TRAF3IP1: variants seen among roughly 807,000 people sequenced by gnomAD.
TRAF3IP1 encodes TRAF3-interacting protein 1.
TRAF3IP1 carries 53 observed loss-of-function variants against 89.9 expected under a neutral mutation model. The ratio of observed to expected loss-of-function variants is 0.59; its 90% CI spans 0.47 to 0.74. TRAF3IP1 has a LOEUF of 0.74. Ranked by LOEUF, TRAF3IP1 falls within the 30% of genes least tolerant of loss-of-function variation. The probability of loss-of-function intolerance (pLI) is 0.00; values close to 1 mark genes in which losing one functional copy is unlikely to be tolerated. For missense variants in TRAF3IP1, 806 were observed against 866.1 expected (o/e 0.93, Z 0.87); for synonymous variants, 311 against 322.1 (o/e 0.97, Z 0.37).
intron 3 of TRAF3IP1, among the ~76,000 whole-genome samples, chr2:238,328,200 C>A (rs1446360575): frequency 6.6e-6 from 1 of 152,186 alleles, no homozygotes; most frequent in Non-Finnish European, 1.5e-5. Flanking sequence ...TACATTTCCA[C>A]CAACAGTGCA....
chr2:238,321,304 T>C (rs1697531835), intron 1 of TRAF3IP1, among the ~76,000 whole-genome samples: 1 of 152,234 alleles, frequency 6.6e-6, no homozygotes, highest in East Asian at 1.9e-4. Flanking sequence ...CCCTCTCGCT[T>C]GCCCTGAAGT....
At chr2:238,338,268 T>G in intron 7 of TRAF3IP1, 94 bp from the exon 8 acceptor site, 1 of 681,424 alleles carries the variant, frequency 1.5e-6, no homozygotes, top group Non-Finnish European at 2.4e-6. Context: ...GCTGGTGACC[T>G]TGGTGTAATG....
In TRAF3IP1 at chr2:238,383,081, C is replaced by T. The variant is rs117089817; in HGVS notation, c.1690-14378C>T. On this transcript the variant is annotated intron_variant, in intron 15 of 16. Transcript: ENST00000373327. ...CAGCCTGCAGCCTTCCCTTGGCTTCCGGAACCTGCTGGTGGTTTTCACCTC... is the reference window on the plus strand; with the variant it reads ...CAGCCTGCAGCCTTCCCTTGGCTTCTGGAACCTGCTGGTGGTTTTCACCTC... Among the ~76,000 whole-genome samples, 1,115 of 152,238 alleles carry T rather than the reference C, an allele frequency of 7.3e-3. 39 individuals are homozygous for T. Among genetic ancestry groups the T allele is most frequent in the East Asian group, 0.037 (193 of 5,166 alleles).
At chr2:238,395,590 C>T (rs1409381503) in intron 15 of TRAF3IP1, among the ~76,000 whole-genome samples, 1 of 152,126 alleles carries the variant, frequency 6.6e-6, no homozygotes, top group African/African-American at 2.4e-5. Context: ...TCAGGGTGAA[C>T]AGGCAACCTA....
At chr2:238,326,985 C>T (rs1363608036) in intron 3 of TRAF3IP1, among the ~76,000 whole-genome samples, 1 of 152,180 alleles carries the variant, frequency 6.6e-6, no homozygotes, top group African/African-American at 2.4e-5. Context: ...ACATCTGGCT[C>T]CTGTCTCCTC....
At chr2:238,367,163 CAAAAA>C (rs33964253) in intron 15 of TRAF3IP1, among the ~76,000 whole-genome samples, 12 of 36,166 alleles carry the variant, frequency 3.3e-4, no homozygotes, top group African/African-American at 6.8e-4. Flanking sequence ...GACTCTGTCT[CAAAAA>C]AAAAAAAAAA....
intron 15 of TRAF3IP1, among the ~76,000 whole-genome samples, chr2:238,387,467 T>G (rs1700819393): frequency 6.6e-6 from 1 of 152,166 alleles, no homozygotes; most frequent in South Asian, 2.1e-4. Flanking sequence ...AAGATAGTGA[T>G]TAATGAAAAA....
At chr2:238,370,283 CTGTG>C (rs749109047) in intron 15 of TRAF3IP1, among the ~76,000 whole-genome samples, 3 of 151,446 alleles carry the variant, frequency 2.0e-5, no homozygotes, top group African/African-American at 7.3e-5. Context: ...ATGTCTGTGT[CTGTG>C]TGTGCATGTG....
At chr2:238,354,196 T>C (rs1375244067) in intron 14 of TRAF3IP1, among the ~76,000 whole-genome samples, 1 of 152,178 alleles carries the variant, frequency 6.6e-6, no homozygotes, top group East Asian at 1.9e-4. Context: ...TCTGGGGGCC[T>C]TTAGACACAT....
At chr2:238,347,208 G>A in intron 9 of TRAF3IP1, 1 of 496,162 alleles carries the variant, frequency 2.0e-6, no homozygotes, top group South Asian at 2.5e-5. Context: ...CCACATCCCT[G>A]TGTCCTGTTT....
chr2:238,397,026 A>G (rs1169570995), intron 15 of TRAF3IP1, among the ~76,000 whole-genome samples: 2 of 152,198 alleles, frequency 1.3e-5, no homozygotes, highest in African/African-American at 4.8e-5. Context: ...TTGGGATGGA[A>G]GGTGGGCCAT....
intron 15 of TRAF3IP1, among the ~76,000 whole-genome samples, chr2:238,374,636 G>T (rs1438744826): frequency 6.6e-6 from 1 of 152,102 alleles, no homozygotes; most frequent in Non-Finnish European, 1.5e-5. Flanking sequence ...GGATGATGTT[G>T]GCCTCATAAA....
At chr2:238,376,982 G>T (rs1157391904) in intron 15 of TRAF3IP1, among the ~76,000 whole-genome samples, 1 of 152,248 alleles carries the variant, frequency 6.6e-6, no homozygotes, top group Middle Eastern at 3.4e-3. Context: ...CGTGTCCGGG[G>T]CCGTATGAGT....
chr2:238,394,154 C>A (rs2106381496), intron 15 of TRAF3IP1, among the ~76,000 whole-genome samples: 1 of 152,282 alleles, frequency 6.6e-6, no homozygotes, highest in Non-Finnish European at 1.5e-5. Flanking sequence ...CAAGATCACA[C>A]AACTGCACTC....
At chr2:238,377,723 AT>A (rs2106359836) in intron 15 of TRAF3IP1, among the ~76,000 whole-genome samples, 1 of 152,186 alleles carries the variant, frequency 6.6e-6, no homozygotes, top group East Asian at 1.9e-4. Context: ...AATTGAGGAT[AT>A]TCTTTGTTTT....
At chr2:238,380,199 C>T (rs528335024) in intron 15 of TRAF3IP1, among the ~76,000 whole-genome samples, 28 of 152,248 alleles carry the variant, frequency 1.8e-4, no homozygotes, top group African/African-American at 6.3e-4. Flanking sequence ...CAGGTGCTGG[C>T]GCTGGGTGTA....
At chr2:238,382,996 G>A (rs956701749) in intron 15 of TRAF3IP1, among the ~76,000 whole-genome samples, 1 of 152,022 alleles carries the variant, frequency 6.6e-6, no homozygotes, top group African/African-American at 2.4e-5. Flanking sequence ...GATCAAGTCC[G>A]AAATCCTCAC....
intron 15 of TRAF3IP1, among the ~76,000 whole-genome samples, chr2:238,386,548 G>A (rs1700781396): frequency 6.6e-6 from 1 of 152,080 alleles, no homozygotes; most frequent in African/African-American, 2.4e-5. Flanking sequence ...CCTGACCTCA[G>A]GTGATCTGCC....
In TRAF3IP1 at chr2:238,379,482, G is replaced by T. The variant is rs1159928429; in HGVS notation, c.1690-17977G>T. Among the ~76,000 whole-genome samples the T allele has an allele frequency of 6.6e-6, 1 of 152,226 alleles. No homozygotes were observed. The highest frequency in any genetic ancestry group is 2.1e-4 in the South Asian group (1 of 4,836). Reference sequence around the variant, plus strand: ...CACCTGCTCGTGTGAAGGCGGCAGCGTGGTGCCATCACTTGGGTATTTGGA... The same window carrying T: ...CACCTGCTCGTGTGAAGGCGGCAGCTTGGTGCCATCACTTGGGTATTTGGA... On this transcript the variant is annotated intron_variant, in intron 15 of 16. Transcript: ENST00000373327. The surrounding 1 kb of genome is among the most constrained non-coding windows in gnomAD (Gnocchi z 4.0).
Sources: gnomAD v4.1 joint callset for allele counts (sites outside exome capture counted in the v4.1 genomes callset) on GRCh38, gnomAD v4.1.1 for gene constraint, Gnocchi (gnomAD v3.1) non-coding constraint, MANE v1.5 for transcripts, NCBI Gene and HGNC (gene_info 2026-07-23, HGNC 2026-07-21) for gene names.